The following ANKS1B variants were observed in gnomAD, a reference collection of about 807,000 sequenced individuals.
ANKS1B encodes the protein ankyrin repeat and sterile alpha motif domain-containing protein 1B.
In ANKS1B, 36 loss-of-function variants were observed where a neutral mutation model predicts 148.3. The observed-to-expected ratio is 0.24, with a 90% CI of 0.19 to 0.32. The LOEUF is 0.32. ANKS1B is among the 10% of genes least tolerant of loss of function. The pLI is 1.00. For synonymous variants in ANKS1B, 542 were observed against 560.8 expected (o/e 0.97, Z 0.47); for missense variants, 1,157 against 1,542.6 (o/e 0.75, Z 4.19).
chr12:99,667,443 A>G (rs1360741619), intron 8 of ANKS1B, among the ~76,000 whole-genome samples: 2 of 152,096 alleles, frequency 1.3e-5, no homozygotes, highest in African/African-American at 2.4e-5. Flanking sequence ...TTTTATGTTT[A>G]TTTACTTTGC....
intron 9 of ANKS1B, among the ~76,000 whole-genome samples, chr12:99,530,667 C>T (rs1189073670): frequency 6.6e-6 from 1 of 151,976 alleles, no homozygotes; most frequent in Non-Finnish European, 1.5e-5. Context: ...ATATGTAAAA[C>T]CTACCATTTA....
chr12:98,991,434 T>A (rs1008069247), intron 17 of ANKS1B, among the ~76,000 whole-genome samples: 1 of 152,142 alleles, frequency 6.6e-6, no homozygotes, highest in African/African-American at 2.4e-5. Context: ...AATAGTAAAA[T>A]ATTTAAATGT....
intron 17 of ANKS1B, among the ~76,000 whole-genome samples, chr12:98,960,718 T>C (rs556897140): frequency 6.6e-6 from 1 of 152,252 alleles, no homozygotes; most frequent in Non-Finnish European, 1.5e-5. Context: ...GACAGAGAAT[T>C]CAAAATAACT....
rs1255500281 is a variant in ANKS1B, at chr12:99,277,208, G to A, written c.1757-30344C>T. 3.3e-5 allele frequency among the ~76,000 whole-genome samples: 5 copies of A among 152,166 alleles called. No homozygotes were observed. The East Asian group carries it at 5.8e-4, about 18-fold the overall frequency. ...CACTCCCCCTCATCCATTCCTATCT[G>A]CCATGTAGTTCTTAGTAAATGACAA... is the stretch of plus-strand genomic sequence containing the variant. On this transcript the variant is annotated intron_variant, in intron 12 of 26. Coordinates refer to ENST00000683438, the MANE Select transcript of ANKS1B (RefSeq NM_001352186.2).
intron 1 of ANKS1B, among the ~76,000 whole-genome samples, chr12:99,834,360 T>C (rs900294822): frequency 6.6e-6 from 1 of 152,182 alleles, no homozygotes; most frequent in African/African-American, 2.4e-5. Flanking sequence ...CCAAATCCCA[T>C]TTCTTATGCC....
intron 7 of ANKS1B, among the ~76,000 whole-genome samples, chr12:99,775,033 A>C (rs2063528673): frequency 6.6e-6 from 1 of 152,062 alleles, no homozygotes; most frequent in African/African-American, 2.4e-5. Flanking sequence ...AAGGGTACAA[A>C]GGTTCAGTTA....
At chr12:99,431,449 G>A (rs1353625688) in intron 11 of ANKS1B, among the ~76,000 whole-genome samples, 2 of 152,178 alleles carry the variant, frequency 1.3e-5, no homozygotes, top group Admixed American at 6.5e-5. Flanking sequence ...CTATAAAGAG[G>A]CCTATGAAAT....
Position 99,406,829 on chromosome 12 carries a change from G to A in ANKS1B, c.1576-7018C>T, listed in dbSNP as rs1594149609. ...TAAAATGAGAGAAGAAAAAGACAACGTTACAACTGATGCCACAGAAATTCA... is the reference window on the plus strand; with the variant it reads ...TAAAATGAGAGAAGAAAAAGACAACATTACAACTGATGCCACAGAAATTCA... On this transcript the variant is annotated intron_variant, in intron 11 of 26. Coordinates refer to ENST00000683438, the MANE Select transcript of ANKS1B (RefSeq NM_001352186.2). Among the ~76,000 whole-genome samples, 4 of 145,786 alleles carry A rather than the reference G, an allele frequency of 2.7e-5. 1 individual carries two copies. In the South Asian group the frequency reaches 6.3e-4, roughly 23 times the overall value.
intron 16 of ANKS1B, among the ~76,000 whole-genome samples, chr12:99,074,377 A>C (rs886873827): frequency 6.6e-6 from 1 of 152,062 alleles, no homozygotes; most frequent in Admixed American, 6.5e-5. Context: ...GCTTGGGAAG[A>C]ATGTAGTAGC....
chr12:98,853,132 G>A (rs1245536086), intron 17 of ANKS1B, among the ~76,000 whole-genome samples: 1 of 152,140 alleles, frequency 6.6e-6, no homozygotes, highest in Non-Finnish European at 1.5e-5. Flanking sequence ...ATGGTTCAGG[G>A]AGCAGGTTGA....
At chr12:99,877,416 C>T (rs2092185496) in intron 1 of ANKS1B, among the ~76,000 whole-genome samples, 1 of 152,148 alleles carries the variant, frequency 6.6e-6, no homozygotes, top group African/African-American at 2.4e-5. Context: ...GTACTCACCC[C>T]TTGGCCTGTC....
Position 99,984,284 on chromosome 12 carries a change from TCCTC to T in ANKS1B, c.-51_-48del. On this transcript the variant is annotated 5_prime_UTR_variant, in exon 1 of 27. Coordinates refer to ENST00000683438, the MANE Select transcript of ANKS1B (RefSeq NM_001352186.2). ...CAGAGTCCTTGCCCCCCTCGGGTCCTCCTCCCCACCCACCCCCACTCCCCAAAAT... is the reference window on the plus strand; with the variant it reads ...CAGAGTCCTTGCCCCCCTCGGGTCCTCCCACCCACCCCCACTCCCCAAAAT... 1 of 1,402,306 alleles carries T rather than the reference TCCTC, an allele frequency of 7.1e-7. No homozygotes were observed. 86.9% of individuals were successfully genotyped at this position (1,402,306 alleles called of 1,614,324 possible).
At chr12:99,291,801 A>C (rs1270935891) in intron 12 of ANKS1B, among the ~76,000 whole-genome samples, 1 of 152,232 alleles carries the variant, frequency 6.6e-6, no homozygotes, top group Non-Finnish European at 1.5e-5. Flanking sequence ...TACTGGTACC[A>C]AAACAGATAT....
At chr12:99,732,023 G>A (rs2059209094) in intron 8 of ANKS1B, among the ~76,000 whole-genome samples, 1 of 152,100 alleles carries the variant, frequency 6.6e-6, no homozygotes, top group South Asian at 2.1e-4. Context: ...CTTCATCAAA[G>A]AAGATATGAA....
intron 12 of ANKS1B, among the ~76,000 whole-genome samples, chr12:99,278,922 A>G (rs1195284877): frequency 6.6e-6 from 1 of 152,134 alleles, no homozygotes; most frequent in South Asian, 2.1e-4. Flanking sequence ...TCTTGTATTA[A>G]CCTAAATTAT....
chr12:99,701,465 A>G (rs1306354815), intron 8 of ANKS1B, among the ~76,000 whole-genome samples: 1 of 152,128 alleles, frequency 6.6e-6, no homozygotes, highest in Middle Eastern at 3.2e-3. Context: ...CAAGCATACA[A>G]TGTGTAATAA....
intron 9 of ANKS1B, among the ~76,000 whole-genome samples, chr12:99,526,460 G>A (rs762160496): frequency 5.4e-4 from 83 of 152,298 alleles, no homozygotes; most frequent in Non-Finnish European, 9.4e-4. Flanking sequence ...TGCTGGATAT[G>A]CTGTATGTTT....
intron 17 of ANKS1B, among the ~76,000 whole-genome samples, chr12:98,995,833 C>T (rs1275323484): frequency 5.3e-5 from 8 of 152,158 alleles, no homozygotes; most frequent in Admixed American, 5.2e-4. Flanking sequence ...AGTTGGAACA[C>T]AGCACTGAGA....
intron 1 of ANKS1B, among the ~76,000 whole-genome samples, chr12:99,974,885 T>C (rs1001866046): frequency 5.3e-5 from 8 of 152,112 alleles, no homozygotes; most frequent in Non-Finnish European, 8.8e-5. Context: ...TCTAGCATGG[T>C]CAATCCTTTC....
Sources: gnomAD v4.1 joint callset for allele counts (sites outside exome capture counted in the v4.1 genomes callset) on GRCh38, gnomAD v4.1.1 for gene constraint, MANE v1.5 for transcripts, NCBI Gene and HGNC (gene_info 2026-07-23, HGNC 2026-07-21) for gene names.